Variants in UNC80 observed in about 807,000 individuals in gnomAD.
The protein encoded by UNC80 is unc-80 subunit of NALCN channel complex.
Under a neutral mutation model 384.6 loss-of-function variants are expected in UNC80, and 164 were observed. That is an observed-to-expected ratio of 0.43 (90% CI 0.38 to 0.49). UNC80 has a LOEUF of 0.49. UNC80 is among the 20% of genes least tolerant of loss of function. The probability of loss-of-function intolerance (pLI) is 0.00; values close to 1 mark genes in which losing one functional copy is unlikely to be tolerated. For missense variants in UNC80, 3,330 were observed against 4,143.0 expected (o/e 0.80, Z 5.39); for synonymous variants, 1,486 against 1,527.8 (o/e 0.97, Z 0.64).
intron 13 of UNC80, among the ~76,000 whole-genome samples, chr2:209,824,994 A>G (rs958080590): frequency 6.6e-6 from 1 of 152,326 alleles, no homozygotes; most frequent in South Asian, 2.1e-4. Context: ...CTAAATTCAC[A>G]GGTAAGGAAA....
chr2:209,916,653 C>A (rs1232769329), intron 31 of UNC80, among the ~76,000 whole-genome samples: 1 of 152,136 alleles, frequency 6.6e-6, no homozygotes, highest in Non-Finnish European at 1.5e-5. Context: ...AGAACTAGAT[C>A]ATATGCATTA....
In UNC80 at chr2:209,917,895, G is replaced by T; in HGVS notation, c.5148G>T (p.Thr1716=). ...QRLNAVLKFH[T]LWRFRYQVWP... ...TGAACGCTGTCCTCAAGTTCCACAC[G>T]CTCTGGAGGTTTCGCTATCAGGTCT... Residue 1716 remains threonine (T), a synonymous_variant, in exon 32 of 65, where the codon ACG becomes ACT. Coordinates refer to ENST00000673920, the MANE Select transcript of UNC80 (RefSeq NM_001371986.1). The T allele has an allele frequency of 6.4e-7, 1 of 1,551,806 alleles. No individual in the cohort carries two copies. The highest frequency in any genetic ancestry group is 2.4e-5 in the East Asian group (1 of 40,924).
intron 21 of UNC80, among the ~76,000 whole-genome samples, chr2:209,844,666 TGCC>T (rs2082048331): frequency 6.6e-6 from 1 of 151,612 alleles, no homozygotes; most frequent in Admixed American, 6.6e-5. Flanking sequence ...CATAGTCCAC[TGCC>T]GCCTCAAACT....
At chr2:209,960,869 T>A (rs2125002418) in intron 51 of UNC80, 1 of 152,302 alleles carries the variant, frequency 6.6e-6, no homozygotes. Context: ...GAGGGACATT[T>A]GGAGTGTTAA....
chr2:209,851,805 A>G (rs2082552257), intron 22 of UNC80, among the ~76,000 whole-genome samples: 1 of 152,110 alleles, frequency 6.6e-6, no homozygotes, highest in Non-Finnish European at 1.5e-5. Context: ...CAAAGGATGG[A>G]GCCAGACTGG....
In UNC80 at chr2:209,900,407, ATAT is replaced by A. The variant is rs2087263682; in HGVS notation, c.4581+3999_4581+4001del. On this transcript the variant is annotated intron_variant, in intron 28 of 64. Transcript: ENST00000673920. The stretch of plus-strand genomic sequence containing the variant: ...GATCTGTGATCAGTGATCCTTGATG[ATAT>A]TATTGTCGTTGTTTTGGGACACCAT... Among the ~76,000 whole-genome samples, 2 of 151,982 alleles carry A rather than the reference ATAT, an allele frequency of 1.3e-5. 1 individual carries two copies. The highest frequency in any genetic ancestry group is 4.2e-4 in the South Asian group (2 of 4,806).
intron 60 of UNC80, among the ~76,000 whole-genome samples, chr2:209,983,914 A>T (rs1189265586): frequency 6.6e-6 from 1 of 152,198 alleles, no homozygotes; most frequent in Non-Finnish European, 1.5e-5. Flanking sequence ...CTGTCTCTGT[A>T]CATAAGGGAA....
Position 209,998,593 on chromosome 2 carries a change from T to G in UNC80, c.*2998T>G, listed in dbSNP as rs1200559820. Reference sequence around the variant, plus strand: ...CTTCTTTAGCATTATATTCCTTTAGTCAACAAAGAACTTTCTCCACTCTGC... The same window carrying G: ...CTTCTTTAGCATTATATTCCTTTAGGCAACAAAGAACTTTCTCCACTCTGC... On this transcript the variant is annotated 3_prime_UTR_variant, in exon 65 of 65. Coordinates refer to ENST00000673920, the MANE Select transcript of UNC80 (RefSeq NM_001371986.1). The G allele has an allele frequency of 6.6e-6, 1 of 152,226 alleles. No homozygotes were observed. The highest frequency in any genetic ancestry group is 1.5e-5 in the Non-Finnish European group (1 of 68,058). 9.4% of individuals were successfully genotyped at this position (152,226 alleles called of 1,614,324 possible).
chr2:209,994,614 G>C (rs1468694377), intron 64 of UNC80, among the ~76,000 whole-genome samples: 1 of 152,094 alleles, frequency 6.6e-6, no homozygotes, highest in Non-Finnish European at 1.5e-5. Flanking sequence ...CTTTGTAAGT[G>C]CTGATGTAAT....
At chr2:209,881,443 T>G (rs1294073027) in intron 25 of UNC80, among the ~76,000 whole-genome samples, 1 of 152,174 alleles carries the variant, frequency 6.6e-6, no homozygotes, top group Non-Finnish European at 1.5e-5. Context: ...CCAACAAATT[T>G]TTTTATACCA....
chr2:209,905,334 T>G (rs1470395305), intron 29 of UNC80, among the ~76,000 whole-genome samples: 1 of 152,174 alleles, frequency 6.6e-6, no homozygotes, highest in African/African-American at 2.4e-5. Flanking sequence ...CAGATGTGAT[T>G]GAAAATTTTA....
Position 209,840,586 on chromosome 2 carries a change from G to T in UNC80, c.3295G>T (p.Val1099Leu). The T allele has an allele frequency of 6.4e-7, 1 of 1,551,942 alleles. No homozygotes were observed. The highest frequency in any genetic ancestry group is 2.4e-5 in the East Asian group (1 of 40,910). The change falls in exon 20 of 65, where the codon GTG becomes TTG. Residue 1099 changes from valine to leucine, a missense_variant. Coordinates refer to ENST00000673920, the MANE Select transcript of UNC80 (RefSeq NM_001371986.1). ...RSSLSGLADG[V>L]EDLLDISSVD... Reference sequence around the variant, plus strand: ...ATCCCTCTCAGGCCTGGCAGATGGTGTGGAGGACCTCCTGGACATTAGCTC... The same window carrying T: ...ATCCCTCTCAGGCCTGGCAGATGGTTTGGAGGACCTCCTGGACATTAGCTC...
Position 209,839,291 on chromosome 2 carries a change from T to G in UNC80, c.3111T>G (p.Ser1037Arg), listed in dbSNP as rs2081569620. The change falls in exon 19 of 65, where the codon AGT (serine) becomes AGG (arginine). Residue 1037 changes from serine (S) to arginine (R), a missense_variant. Ser to Arg is a moderately radical substitution (Grantham distance 110, BLOSUM62 -1). Around this residue, in one of 8 missense-constraint regions of UNC80, gnomAD observed 801 missense variants for 950.8 expected, o/e 0.84. Coordinates refer to ENST00000673920, the MANE Select transcript of UNC80 (RefSeq NM_001371986.1). The surrounding 1 kb of genome is among the most constrained non-coding windows in gnomAD (Gnocchi z 4.1). ...DFWRKMFKSQ[S>R]AASDTSSQSE... ...GGCGTAAGATGTTCAAGTCCCAGAG[T>G]GCAGCAAGTGACACCAGCAGCCAGT... 2 of 1,551,392 alleles carry G rather than the reference T, an allele frequency of 1.3e-6. No homozygotes were observed. The highest frequency in any genetic ancestry group is 2.4e-5 in the East Asian group (1 of 40,900).
intron 49 of UNC80, among the ~76,000 whole-genome samples, chr2:209,958,149 A>G (rs895212772): frequency 6.7e-6 from 1 of 149,366 alleles, no homozygotes; most frequent in Non-Finnish European, 1.5e-5. Context: ...CATTTCATCC[A>G]AACTTTGACA....
intron 7 of UNC80, among the ~76,000 whole-genome samples, chr2:209,794,322 A>G (rs1334378039): frequency 6.6e-6 from 1 of 152,184 alleles, no homozygotes; most frequent in Non-Finnish European, 1.5e-5. Flanking sequence ...ATTTGCTTAT[A>G]AACACCTTCT....
chr2:209,845,021 A>C (rs2082076601), intron 21 of UNC80: 1 of 151,552 alleles, frequency 6.6e-6, no homozygotes, highest in African/African-American at 2.4e-5. Flanking sequence ...TGGAGGCTTT[A>C]GGAGGTGATT....
chr2:209,835,454 T>G lies in UNC80; in HGVS notation c.3041+444T>G, dbSNP rs575260865. On this transcript the variant is annotated intron_variant, in intron 18 of 64. Coordinates refer to ENST00000673920, the MANE Select transcript of UNC80 (RefSeq NM_001371986.1). ...CCAGTTCTCACCTTTAGCTGAAACA[T>G]AGACTGTACCACATTGTACCTTGGT... Among the ~76,000 whole-genome samples, 3 of 152,340 alleles carry G rather than the reference T, an allele frequency of 2.0e-5. No individual in the cohort carries two copies. The East Asian group carries it at 5.8e-4, about 29-fold the overall frequency.
intron 28 of UNC80, among the ~76,000 whole-genome samples, chr2:209,903,351 T>TGTGTGG (rs1394295253): frequency 7.5e-6 from 1 of 132,590 alleles, no homozygotes; most frequent in African/African-American, 2.8e-5. Flanking sequence ...TGTGTGTGTG[T>TGTGTGG]GGACAGTGTG....
chr2:209,943,548 C>T, intron 45 of UNC80, 34 bp downstream of exon 45: 1 of 1,548,268 alleles, frequency 6.5e-7, no homozygotes, highest in Non-Finnish European at 8.7e-7. Flanking sequence ...AAAATGAAGA[C>T]CAACAAAATG....
Sources: allele counts gnomAD v4.1 joint callset (sites outside exome capture counted in the v4.1 genomes callset), GRCh38; gene constraint gnomAD v4.1.1; regional missense constraint gnomAD v4.1.1; non-coding constraint Gnocchi (gnomAD v3.1); transcripts MANE v1.5; gene names NCBI Gene and HGNC (gene_info 2026-07-23, HGNC 2026-07-21).